The following ADRA2B variants were observed in gnomAD, a reference collection of about 807,000 sequenced individuals.
The protein encoded by ADRA2B is adrenoceptor alpha 2B.
A neutral mutation model predicts 14.4 loss-of-function variants in ADRA2B; 14 were observed. The observed-to-expected ratio is 0.97, with a 90% CI of 0.64 to 1.52. The LOEUF (loss-of-function observed/expected upper bound fraction) is 1.52, where lower values mean the gene tolerates loss of function less well. Among genes scored for constraint, ADRA2B ranks in the 40% most tolerant of loss-of-function variants. ADRA2B has a pLI of 0.00. For synonymous variants in ADRA2B, 250 were observed against 263.7 expected (o/e 0.95, Z 0.50); for missense variants, 606 against 603.2 (o/e 1.00, Z -0.05).
At position 96,114,043 on chromosome 2, in the gene ADRA2B, G is replaced by T; in HGVS notation, c.*754C>A. 1.0e-6 allele frequency: 1 copy of T among 985,850 alleles called. No homozygotes were observed. The highest frequency in any genetic ancestry group is 1.2e-6 in the Non-Finnish European group (1 of 829,948). The allele number at this position is 985,850 out of a possible 1,614,324, so 61.1% of individuals were successfully genotyped here. A position where few individuals can be genotyped will look rare whatever the true frequency, so the allele number is the denominator to read the frequency against. Reference sequence around the variant, plus strand: ...CTATTGTCGCCCCGATTTTTGCAGGGGGTGAATGCCAGTGATCGGGGATCT... The same window carrying T: ...CTATTGTCGCCCCGATTTTTGCAGGTGGTGAATGCCAGTGATCGGGGATCT... On this transcript the variant is annotated 3_prime_UTR_variant, in exon 1 of 1. Coordinates refer to ENST00000620793, the MANE Select transcript of ADRA2B (RefSeq NM_000682.7).
chr2:96,114,870 G>A lies in ADRA2B; in HGVS notation c.1280C>T (p.Thr427Ile). ...ACGGCGGAAGTCCTGGTTGAAGATG[G>A]TGTAGATAACAGGGTTCAGTGAGCT... ...CNSSLNPVIY[T>I]IFNQDFRRAF... is the part of the protein sequence containing the mutation. The change falls in exon 1 of 1, where the codon ACC becomes ATC. Residue 427 changes from threonine (T) to isoleucine (I), a missense_variant. Coordinates refer to ENST00000620793, the MANE Select transcript of ADRA2B (RefSeq NM_000682.7). 1 of 1,614,016 alleles carries A rather than the reference G, an allele frequency of 6.2e-7. No homozygotes were observed. The highest frequency in any genetic ancestry group is 8.5e-7 in the Non-Finnish European group (1 of 1,179,982).
At position 96,114,008 on chromosome 2, in the gene ADRA2B, AG is replaced by A; in HGVS notation, c.*788del. 2 of 985,860 alleles carry A rather than the reference AG, an allele frequency of 2.0e-6. No individual in the cohort carries two copies. Among genetic ancestry groups the A allele is most frequent in the Non-Finnish European group, 2.4e-6 (2 of 829,940 alleles). 61.1% of individuals were successfully genotyped at this position (985,860 alleles called of 1,614,324 possible). A position where few individuals can be genotyped will look rare whatever the true frequency, so the allele number is the denominator to read the frequency against. Reference sequence around the variant, plus strand: ...AGCCTTTCATCTCCCTGCAGCAAGTAGGCAGTGAGCTATTGTCGCCCCGATT... The same window carrying A: ...AGCCTTTCATCTCCCTGCAGCAAGTAGCAGTGAGCTATTGTCGCCCCGATT... On this transcript the variant is annotated 3_prime_UTR_variant, in exon 1 of 1. Coordinates refer to ENST00000620793, the MANE Select transcript of ADRA2B (RefSeq NM_000682.7).
In ADRA2B at chr2:96,114,708, C is replaced by T. The variant is rs892981408; in HGVS notation, c.*89G>A. On this transcript the variant is annotated 3_prime_UTR_variant, in exon 1 of 1. Transcript: ENST00000620793. ...CAGGATCTGGGCAGGGAGCAGAAAG[C>T]CCAGGGGAGGCAGCCACACACAGCA... 6.7e-7 allele frequency: 1 copy of T among 1,481,972 alleles called. No individual in the cohort carries two copies. 91.8% of individuals were successfully genotyped at this position (1,481,972 alleles called of 1,614,324 possible).
rs1186002148 is a variant in ADRA2B, at chr2:96,114,132, C to A, written c.*665G>T. 3.0e-6 allele frequency: 3 copies of A among 985,666 alleles called. No individual in the cohort carries two copies. Among genetic ancestry groups the A allele is most frequent in the Non-Finnish European group, 3.6e-6 (3 of 829,980 alleles). 61.1% of individuals were successfully genotyped at this position (985,666 alleles called of 1,614,324 possible). A position where few individuals can be genotyped will look rare whatever the true frequency, so the allele number is the denominator to read the frequency against. ...GCGAGGCATCCACGTGGCCACCCAC[C>A]TACCGGAGGGGTGCTGGGTAAGGAA... On this transcript the variant is annotated 3_prime_UTR_variant, in exon 1 of 1. Coordinates refer to ENST00000620793, the MANE Select transcript of ADRA2B (RefSeq NM_000682.7).
rs1419161475 is a variant in ADRA2B at position 96,113,654 on chromosome 2, T to C, written c.*1143A>G. Reference sequence around the variant, plus strand: ...ATTTGCCTCCTTGATGACAAAAGACTTATCCCCCACTGGGGAGACCCAAGC... The same window carrying C: ...ATTTGCCTCCTTGATGACAAAAGACCTATCCCCCACTGGGGAGACCCAAGC... On this transcript the variant is annotated 3_prime_UTR_variant, in exon 1 of 1. Coordinates refer to ENST00000620793, the MANE Select transcript of ADRA2B (RefSeq NM_000682.7). 1 of 155,358 alleles carries C rather than the reference T, an allele frequency of 6.4e-6. No homozygotes were observed. Among genetic ancestry groups the C allele is most frequent in the African/African-American group, 2.4e-5 (1 of 41,564 alleles). 9.6% of individuals were successfully genotyped at this position (155,358 alleles called of 1,614,324 possible).
Position 96,114,963 on chromosome 2 carries a change from A to T in ADRA2B, c.1187T>A (p.Ile396Asn). Residue 396 changes from isoleucine (I) to asparagine (N), a missense_variant, in exon 1 of 1, where the codon ATC becomes AAC. By Grantham distance (149) the Ile-to-Asn change is moderately radical. Transcript: ENST00000620793. ...GGGCACCTTGCAGTGCTTCGGGCAG[A>T]TGGCTCCCAGGCTGTAGCTGAAGAA... ...PFFFSYSLGA[I>N]CPKHCKVPHG... The T allele has an allele frequency of 1.2e-6, 2 of 1,613,526 alleles. No individual in the cohort carries two copies. Among genetic ancestry groups the T allele is most frequent in the African/African-American group, 1.3e-5 (1 of 75,050 alleles).
Position 96,116,024 on chromosome 2 carries a change from C to T in ADRA2B, c.126G>A (p.Ser42=), listed in dbSNP as rs757019461. ...LVILAVLTSR[S]LRAPQNLFLV... ...GGAACAGGTTCTGAGGGGCGCGCAG[C>T]GAGCGGCTGGTCAACACAGCCAGGA... The change falls in exon 1 of 1, where the codon TCG becomes TCA. Residue 42 remains serine (S), a synonymous_variant. Coordinates refer to ENST00000620793, the MANE Select transcript of ADRA2B (RefSeq NM_000682.7). 1.2e-6 allele frequency: 2 copies of T among 1,613,588 alleles called. No homozygotes were observed. Among genetic ancestry groups the T allele is most frequent in the Admixed American group, 1.7e-5 (1 of 60,008 alleles).
Position 96,115,317 on chromosome 2 carries a change from G to C in ADRA2B, c.833C>G (p.Pro278Arg), listed in dbSNP as rs2104752625. The change falls in exon 1 of 1, where the codon CCC (proline) becomes CGC (arginine). Residue 278 changes from proline (P) to arginine (R), a missense_variant. Coordinates refer to ENST00000620793, the MANE Select transcript of ADRA2B (RefSeq NM_000682.7). ...CTCCTTCTGGCCCTGGCCTGAGTTG[G>C]GAAGGGCAGCCCAACTGGGTGGCAA... ...RALPPSWAAL[P>R]NSGQGQKEGV... 6.3e-7 allele frequency: 1 copy of C among 1,596,354 alleles called. No homozygotes were observed. Among genetic ancestry groups the C allele is most frequent in the East Asian group, 2.3e-5 (1 of 44,388 alleles).
chr2:96,116,090 G>A lies in ADRA2B; in HGVS notation c.60C>T (p.Thr20=), dbSNP rs1681868141. 5.6e-6 allele frequency: 9 copies of A among 1,612,254 alleles called. No individual in the cohort carries two copies. The highest frequency in any genetic ancestry group is 6.8e-6 in the Non-Finnish European group (8 of 1,179,518). ...QATAAIAAAI[T]FLILFTIFGN... ...CGAAGATGGTAAAGAGAATGAGGAAGGTGATGGCCGCCGCTATGGCCGCTG... is the reference window on the plus strand; with the variant it reads ...CGAAGATGGTAAAGAGAATGAGGAAAGTGATGGCCGCCGCTATGGCCGCTG... Residue 20 remains threonine, a synonymous_variant, in exon 1 of 1, where the codon ACC becomes ACT. Coordinates refer to ENST00000620793, the MANE Select transcript of ADRA2B (RefSeq NM_000682.7).
At position 96,115,507 on chromosome 2, in the gene ADRA2B, G is replaced by C. The variant is rs1681845744; in HGVS notation, c.643C>G (p.Gln215Glu). The change falls in exon 1 of 1, where the codon CAG (glutamine) becomes GAG (glutamate). Residue 215 changes from glutamine (Q) to glutamate (E), a missense_variant. Transcript: ENST00000620793. ...RGPRAKGGPGQGESKQPRPDH... is the reference protein window; with the variant it reads ...RGPRAKGGPGEGESKQPRPDH... ...GGTCGGGGCTGCTTGGACTCACCCT[G>C]CCCAGGCCCCCCCTTGGCCCTGGGA... 1 of 1,613,592 alleles carries C rather than the reference G, an allele frequency of 6.2e-7. No individual in the cohort carries two copies. The highest frequency in any genetic ancestry group is 8.5e-7 in the Non-Finnish European group (1 of 1,179,868).
rs765069734 is a variant in ADRA2B, at chr2:96,115,436, G to C, written c.714C>G (p.Ala238=). The change falls in exon 1 of 1, where the codon GCC becomes GCG. Residue 238 remains alanine, a synonymous_variant. Coordinates refer to ENST00000620793, the MANE Select transcript of ADRA2B (RefSeq NM_000682.7). ...ALASAKLPAL[A]SVASAREVNG... ...TGACCTCTCTGGCAGAAGCCACAGA[G>C]GCCAGGGCTGGCAGTTTGGCTGAGG... The C allele has an allele frequency of 2.5e-6, 4 of 1,612,580 alleles. No homozygotes were observed. The Admixed American group carries it at 6.7e-5, about 27-fold the overall frequency.
rs1397575418 is a variant in ADRA2B at position 96,114,652 on chromosome 2, C to T, written c.*145G>A. The T allele has an allele frequency of 1.4e-6, 2 of 1,428,604 alleles. No homozygotes were observed. Among genetic ancestry groups the T allele is most frequent in the Non-Finnish European group, 1.8e-6 (2 of 1,096,226 alleles). 88.5% of individuals were successfully genotyped at this position (1,428,604 alleles called of 1,614,324 possible). On this transcript the variant is annotated 3_prime_UTR_variant, in exon 1 of 1. Transcript: ENST00000620793. ...CCTTGCTAGCAGCCCCCCTGCCCAC[C>T]CCTCCCAAGGGGTTCCTAAGATGAG...
Position 96,114,919 on chromosome 2 carries a change from A to G in ADRA2B, c.1231T>C (p.Phe411Leu). ...CKVPHGLFQF[F>L]FWIGYCNSSL... is the part of the protein sequence containing the mutation. The stretch of plus-strand genomic sequence containing the variant: ...CTGTTGCAGTAGCCGATCCAGAAGA[A>G]GAACTGGAAGAGGCCATGGGGCACC... Residue 411 changes from phenylalanine (F) to leucine (L), a missense_variant, in exon 1 of 1, where the codon TTC becomes CTC. Phe to Leu is a conservative substitution (Grantham distance 22). Transcript: ENST00000620793. The G allele has an allele frequency of 6.2e-7, 1 of 1,613,986 alleles. No individual in the cohort carries two copies. Among genetic ancestry groups the G allele is most frequent in the Non-Finnish European group, 8.5e-7 (1 of 1,179,928 alleles).
chr2:96,115,469 C>T lies in ADRA2B; in HGVS notation c.681G>A (p.Gly227=). Residue 227 remains glycine (G), a synonymous_variant, in exon 1 of 1, where the codon GGG becomes GGA. Transcript: ENST00000620793. ...CTGGCAGTTTGGCTGAGGCCAAAGC[C>T]CCACCATGGTCGGGTCGGGGCTGCT... ...ESKQPRPDHG[G]ALASAKLPAL... 2 of 1,613,478 alleles carry T rather than the reference C, an allele frequency of 1.2e-6. No individual in the cohort carries two copies. The highest frequency in any genetic ancestry group is 1.7e-6 in the Non-Finnish European group (2 of 1,179,832).
rs2104752999 is a variant in ADRA2B, at chr2:96,115,538, G to A, written c.612C>T (p.Arg204=). ...GCCCCCCCTTGGCCCTGGGACCTCT[G>A]CGGTTGCTGCGTTTGGCGATCAGGT... ...RIYLIAKRSN[R]RGPRAKGGPG... Residue 204 remains arginine (R), a synonymous_variant, in exon 1 of 1, where the codon CGC becomes CGT. Coordinates refer to ENST00000620793, the MANE Select transcript of ADRA2B (RefSeq NM_000682.7). The A allele has an allele frequency of 6.2e-7, 1 of 1,613,870 alleles. No individual in the cohort carries two copies. Among genetic ancestry groups the A allele is most frequent in the South Asian group, 1.1e-5 (1 of 91,088 alleles).
chr2:96,114,388 T>G lies in ADRA2B; in HGVS notation c.*409A>C. ...GTGCTCTTTGTGGGTGGGGGGGAGA[T>G]GAAAAAGAAACGAAAACACCACAAG... On this transcript the variant is annotated 3_prime_UTR_variant, in exon 1 of 1. Coordinates refer to ENST00000620793, the MANE Select transcript of ADRA2B (RefSeq NM_000682.7). 6.0e-6 allele frequency: 6 copies of G among 998,470 alleles called. No individual in the cohort carries two copies. Among genetic ancestry groups the G allele is most frequent in the Admixed American group, 5.4e-5 (1 of 18,406 alleles). 61.9% of individuals were successfully genotyped at this position (998,470 alleles called of 1,614,324 possible). A position where few individuals can be genotyped will look rare whatever the true frequency, so the allele number is the denominator to read the frequency against.
In ADRA2B at chr2:96,113,429, C is replaced by G; in HGVS notation, c.*1368G>C. 2 of 326,884 alleles carry G rather than the reference C, an allele frequency of 6.1e-6. No homozygotes were observed. Among genetic ancestry groups the G allele is most frequent in the East Asian group, 9.4e-5 (2 of 21,292 alleles). 20.2% of individuals were successfully genotyped at this position (326,884 alleles called of 1,614,324 possible). ...TGGGTCCGAGGCAGTCCACAAGCACCCACCTGGGGGGATCAGTTGTGGTTC... is the reference window on the plus strand; with the variant it reads ...TGGGTCCGAGGCAGTCCACAAGCACGCACCTGGGGGGATCAGTTGTGGTTC... On this transcript the variant is annotated 3_prime_UTR_variant, in exon 1 of 1. Coordinates refer to ENST00000620793, the MANE Select transcript of ADRA2B (RefSeq NM_000682.7).
In ADRA2B at chr2:96,116,275, T is replaced by C. The variant is rs886963595; in HGVS notation, c.-126A>G. ...CGGCGCCGAGGGCGCTGGAGCCCCA[T>C]GGCCTGGACGAGCGGGGCCTAGGAG... On this transcript the variant is annotated 5_prime_UTR_variant, in exon 1 of 1. It removes an upstream start codon present in the reference 5' UTR. Transcript: ENST00000620793. The C allele has an allele frequency of 3.7e-6, 3 of 817,906 alleles. No individual in the cohort carries two copies. The highest frequency in any genetic ancestry group is 5.9e-6 in the Non-Finnish European group (3 of 504,640). 50.7% of individuals were successfully genotyped at this position (817,906 alleles called of 1,614,324 possible). A position where few individuals can be genotyped will look rare whatever the true frequency, so the allele number is the denominator to read the frequency against.
Position 96,114,866 on chromosome 2 carries a change from G to A in ADRA2B, c.1284C>T (p.Ile428=). ...NSSLNPVIYT[I]FNQDFRRAFR... ...AGGCACGGCGGAAGTCCTGGTTGAA[G>A]ATGGTGTAGATAACAGGGTTCAGTG... The change falls in exon 1 of 1, where the codon ATC becomes ATT. Residue 428 remains isoleucine (I), a synonymous_variant. Transcript: ENST00000620793. The A allele has an allele frequency of 6.2e-7, 1 of 1,614,016 alleles. No homozygotes were observed. The highest frequency in any genetic ancestry group is 1.3e-5 in the African/African-American group (1 of 75,062).
Sources: gnomAD v4.1 joint callset for allele counts on GRCh38, gnomAD v4.1.1 for gene constraint, MANE v1.5 for transcripts, NCBI Gene and HGNC (gene_info 2026-07-23, HGNC 2026-07-21) for gene names.